The following NAALADL2 variants were observed in gnomAD, a reference collection of about 807,000 sequenced individuals.
NAALADL2 encodes the protein inactive N-acetylated-alpha-linked acidic dipeptidase-like protein 2.
NAALADL2 carries 76 observed loss-of-function variants against 87.2 expected under a neutral mutation model. The observed-to-expected ratio is 0.87, with a 90% CI of 0.72 to 1.05. NAALADL2 has a LOEUF of 1.05. Ranked by LOEUF, NAALADL2 falls within the 50% of genes least tolerant of loss-of-function variation. The pLI is 0.00. For missense variants in NAALADL2, 1,089 were observed against 945.8 expected (o/e 1.15, Z -1.99); for synonymous variants, 354 against 331.0 (o/e 1.07, Z -0.75).
At chr3:175,059,981 C>T in intron 1 of NAALADL2, 1 of 436,318 alleles carries the variant, frequency 2.3e-6, no homozygotes, top group South Asian at 1.8e-5. Context: ...GCCAGGTAAT[C>T]ATTGAGCACA....
At chr3:175,198,637 T>C (rs555298264) in intron 2 of NAALADL2, among the ~76,000 whole-genome samples, 41 of 152,214 alleles carry the variant, frequency 2.7e-4, no homozygotes, top group African/African-American at 9.9e-4. Flanking sequence ...GTTGCAGTGA[T>C]AAACTACAAA....
intron 9 of NAALADL2, among the ~76,000 whole-genome samples, chr3:175,569,823 T>TACACACACACACACAC (rs34518577): frequency 2.7e-5 from 4 of 147,506 alleles, no homozygotes; most frequent in African/African-American, 1.0e-4. Context: ...GACCAACTAA[T>TACACACACACACACAC]ACACACACAC....
intron 1 of NAALADL2, among the ~76,000 whole-genome samples, chr3:174,939,322 T>C (rs1342151115): frequency 6.6e-6 from 1 of 152,104 alleles, no homozygotes; most frequent in Non-Finnish European, 1.5e-5. Flanking sequence ...GTCATAGGTA[T>C]GTGGCCTTAT....
chr3:175,339,507 A>C lies in NAALADL2; in HGVS notation c.1090+15182A>C, dbSNP rs545841558. Among the ~76,000 whole-genome samples, 56 of 152,332 alleles carry C rather than the reference A, an allele frequency of 3.7e-4. No homozygotes were observed. In the South Asian group the frequency reaches 0.011, roughly 30 times the overall value. On this transcript the variant is annotated intron_variant, in intron 5 of 13. Coordinates refer to ENST00000454872, the MANE Select transcript of NAALADL2 (RefSeq NM_207015.3). ...CTTTAATTCCACAATGAAATACCTG[A>C]GTTCATGAATGATGTCTTATATTTG...
At chr3:175,759,353 T>A (rs1747688964) in intron 13 of NAALADL2, among the ~76,000 whole-genome samples, 2 of 117,508 alleles carry the variant, frequency 1.7e-5, no homozygotes, top group African/African-American at 3.0e-5. Flanking sequence ...CAAGAAAGAC[T>A]TTTTTTTTTT....
chr3:175,050,664 T>C (rs1044555480), intron 1 of NAALADL2, among the ~76,000 whole-genome samples: 1 of 152,178 alleles, frequency 6.6e-6, no homozygotes, highest in Admixed American at 6.5e-5. Context: ...TTGATGATGT[T>C]AGTTGAGGAA....
intron 5 of NAALADL2, chr3:175,397,453 A>T (rs2149044170): frequency 6.6e-6 from 1 of 152,248 alleles, no homozygotes; most frequent in African/African-American, 2.4e-5. Flanking sequence ...CCATAGCCAA[A>T]CATAGAGGGC....
intron 3 of NAALADL2, among the ~76,000 whole-genome samples, chr3:174,745,811 C>A (rs1437114596): frequency 1.3e-5 from 2 of 152,244 alleles, no homozygotes; most frequent in South Asian, 2.1e-4. Flanking sequence ...AAATGTAAGT[C>A]ATCACATAAA....
chr3:174,715,500 G>A (rs374258273), intron 2 of NAALADL2, among the ~76,000 whole-genome samples: 1 of 152,140 alleles, frequency 6.6e-6, no homozygotes, highest in Admixed American at 6.6e-5. Context: ...AGATTGAGAA[G>A]CCTGTTTAAA....
intron 2 of NAALADL2, among the ~76,000 whole-genome samples, chr3:175,141,365 G>T (rs1350271192): frequency 1.3e-5 from 2 of 151,960 alleles, no homozygotes; most frequent in African/African-American, 4.8e-5. Context: ...GTGGAGGTCT[G>T]TCAGCCAGGT....
intron 5 of NAALADL2, among the ~76,000 whole-genome samples, chr3:175,342,818 G>A (rs1396264991): frequency 6.6e-6 from 1 of 152,012 alleles, no homozygotes; most frequent in Non-Finnish European, 1.5e-5. Context: ...CTCAGATACA[G>A]CTTTTCATCA....
chr3:174,769,627 C>G (rs1714276731), intron 3 of NAALADL2, among the ~76,000 whole-genome samples: 1 of 151,126 alleles, frequency 6.6e-6, no homozygotes, highest in African/African-American at 2.4e-5. Flanking sequence ...GATTTGCCCT[C>G]TATCATAAAA....
intron 5 of NAALADL2, among the ~76,000 whole-genome samples, chr3:175,403,600 A>G (rs1249812244): frequency 2.0e-5 from 3 of 152,144 alleles, no homozygotes; most frequent in Non-Finnish European, 4.4e-5. Context: ...AGTCATTCAT[A>G]TAGTTAAAAG....
At chr3:175,114,100 G>A (rs1724689163) in intron 2 of NAALADL2, among the ~76,000 whole-genome samples, 1 of 151,598 alleles carries the variant, frequency 6.6e-6, no homozygotes, top group Non-Finnish European at 1.5e-5. Context: ...GGTATCAGAG[G>A]AATATAGTAC....
At chr3:175,199,057 T>G (rs532218054) in intron 2 of NAALADL2, among the ~76,000 whole-genome samples, 2 of 152,294 alleles carry the variant, frequency 1.3e-5, no homozygotes, top group South Asian at 4.1e-4. Context: ...AAGCATCATG[T>G]TAGATGCTAT....
At chr3:175,761,103 T>C (rs1037003712) in intron 13 of NAALADL2, among the ~76,000 whole-genome samples, 7 of 152,216 alleles carry the variant, frequency 4.6e-5, no homozygotes, top group East Asian at 1.9e-4. Flanking sequence ...GTTTGCTCTT[T>C]AGGTTGTACA....
chr3:175,009,269 G>A (rs2108796958), intron 1 of NAALADL2, among the ~76,000 whole-genome samples: 1 of 152,232 alleles, frequency 6.6e-6, no homozygotes, highest in East Asian at 1.9e-4. Flanking sequence ...AAGGACAGAG[G>A]AGCAAACAAT....
chr3:174,934,292 C>T (rs932156170), intron 1 of NAALADL2, among the ~76,000 whole-genome samples: 5 of 152,088 alleles, frequency 3.3e-5, no homozygotes, highest in Admixed American at 2.6e-4. Flanking sequence ...CCAAGAGACT[C>T]GGATTACATG....
chr3:174,639,644 A>G (rs1391257590), intron 2 of NAALADL2, among the ~76,000 whole-genome samples: 1 of 152,176 alleles, frequency 6.6e-6, no homozygotes, highest in Admixed American at 6.6e-5. Flanking sequence ...CTCAGCCTGC[A>G]GGGAGAAATG....
Sources: allele counts gnomAD v4.1 joint callset (sites outside exome capture counted in the v4.1 genomes callset), GRCh38; gene constraint gnomAD v4.1.1; transcripts MANE v1.5; gene names NCBI Gene and HGNC (gene_info 2026-07-23, HGNC 2026-07-21).